The following OR10Z1 variants were observed in gnomAD, a reference collection of about 807,000 sequenced individuals.
OR10Z1 encodes the protein olfactory receptor family 10 subfamily Z member 1, also known as olfactory receptor 10Z1.
For synonymous variants in OR10Z1, 187 were observed against 151.2 expected (o/e 1.24, Z -1.74); for missense variants, 468 against 371.0 (o/e 1.26, Z -2.15).
chr1:158,607,420 G>A lies in OR10Z1; in HGVS notation c.*40G>A, dbSNP rs761778253. 1 of 1,514,432 alleles carries A rather than the reference G, an allele frequency of 6.6e-7. No individual in the cohort carries two copies. Among genetic ancestry groups the A allele is most frequent in the Admixed American group, 1.8e-5 (1 of 54,924 alleles). 93.8% of individuals were successfully genotyped at this position (1,514,432 alleles called of 1,614,324 possible). On this transcript the variant is annotated 3_prime_UTR_variant, in exon 2 of 2. Coordinates refer to ENST00000641002, the MANE Select transcript of OR10Z1 (RefSeq NM_001004478.2). ...GGACACTTTCTTCTGTGTAGGCTGG[G>A]CATAGACCAAGAACCCAAGCCAAAG...
At position 158,607,356 on chromosome 1, in the gene OR10Z1, A is replaced by G; in HGVS notation, c.918A>G (p.Arg306=). Residue 306 remains arginine, a synonymous_variant, in exon 2 of 2, where the codon AGA becomes AGG. Transcript: ENST00000641002. ...AIQTALRNAF[R]GRLLGKG Reference sequence around the variant, plus strand: ...AGACAGCTCTGAGGAATGCTTTCAGAGGGAGATTGCTGGGTAAAGGATGAA... The same window carrying G: ...AGACAGCTCTGAGGAATGCTTTCAGGGGGAGATTGCTGGGTAAAGGATGAA... 6.2e-7 allele frequency: 1 copy of G among 1,613,224 alleles called. No homozygotes were observed. Among genetic ancestry groups the G allele is most frequent in the African/African-American group, 1.3e-5 (1 of 75,008 alleles).
Position 158,611,681 on chromosome 1 carries a change from T to G in OR10Z1, c.*4301T>G, listed in dbSNP as rs1182297986. 4 of 310,302 alleles carry G rather than the reference T, an allele frequency of 1.3e-5. No individual in the cohort carries two copies. Among genetic ancestry groups the G allele is most frequent in the Non-Finnish European group, 1.8e-5 (3 of 163,116 alleles). 19.2% of individuals were successfully genotyped at this position (310,302 alleles called of 1,614,324 possible). On this transcript the variant is annotated 3_prime_UTR_variant, in exon 2 of 2. Transcript: ENST00000641002. Reference sequence around the variant, plus strand: ...AGAAGGAATTATATGCCTAACAACATTTGTTGACCACTTGATCTATTTCAT... The same window carrying G: ...AGAAGGAATTATATGCCTAACAACAGTTGTTGACCACTTGATCTATTTCAT...
rs2101739616 is a variant in OR10Z1 at position 158,610,781 on chromosome 1, A to G, written c.*3401A>G. The G allele has an allele frequency of 6.5e-6, 1 of 152,702 alleles. No homozygotes were observed. Among genetic ancestry groups the G allele is most frequent in the East Asian group, 1.9e-4 (1 of 5,180 alleles). The allele number at this position is 152,702 out of a possible 1,614,324, so 9.5% of individuals were successfully genotyped here. On this transcript the variant is annotated 3_prime_UTR_variant, in exon 2 of 2. Transcript: ENST00000641002. ...CAAAGTTTAAAAAAATTGTTTGAAA[A>G]TTGCCTTGGATTTTATTTATCTACT...
rs1283445015 is a variant in OR10Z1, at chr1:158,606,424, G to A, written c.-15G>A. ...GGAAGAAATCAACAAATCTATCAGGGATATACCTCTCAGAATGGGGCAGAC... is the reference window on the plus strand; with the variant it reads ...GGAAGAAATCAACAAATCTATCAGGAATATACCTCTCAGAATGGGGCAGAC... On this transcript the variant is annotated 5_prime_UTR_variant, in exon 2 of 2. Coordinates refer to ENST00000641002, the MANE Select transcript of OR10Z1 (RefSeq NM_001004478.2). 1 of 1,554,364 alleles carries A rather than the reference G, an allele frequency of 6.4e-7. No homozygotes were observed. The highest frequency in any genetic ancestry group is 1.7e-5 in the Admixed American group (1 of 59,282).
At position 158,607,666 on chromosome 1, in the gene OR10Z1, A is replaced by C; in HGVS notation, c.*286A>C. 2 of 313,688 alleles carry C rather than the reference A, an allele frequency of 6.4e-6. No individual in the cohort carries two copies. The highest frequency in any genetic ancestry group is 2.0e-4 in the South Asian group (2 of 9,938). The allele number at this position is 313,688 out of a possible 1,614,324, so 19.4% of individuals were successfully genotyped here. ...TACTGAAACCCATTGAGAATTAAAA[A>C]TTTAATTAAGATAATCAAGAATTTT... is the stretch of plus-strand genomic sequence containing the variant. On this transcript the variant is annotated 3_prime_UTR_variant, in exon 2 of 2. Coordinates refer to ENST00000641002, the MANE Select transcript of OR10Z1 (RefSeq NM_001004478.2).
At position 158,610,826 on chromosome 1, in the gene OR10Z1, C is replaced by G. The variant is rs1649204855; in HGVS notation, c.*3446C>G. On this transcript the variant is annotated 3_prime_UTR_variant, in exon 2 of 2. Transcript: ENST00000641002. ...TCTACTATACCATGGCCCTTCTTTA[C>G]AGTAAAATTAGCTGCCCACTCTTAT... is the stretch of plus-strand genomic sequence containing the variant. 1.3e-5 allele frequency: 2 copies of G among 155,772 alleles called. No homozygotes were observed. Among genetic ancestry groups the G allele is most frequent in the South Asian group, 1.9e-4 (1 of 5,160 alleles). The allele number at this position is 155,772 out of a possible 1,614,324, so 9.6% of individuals were successfully genotyped here.
In OR10Z1 at chr1:158,607,434, C is replaced by T; in HGVS notation, c.*54C>T. On this transcript the variant is annotated 3_prime_UTR_variant, in exon 2 of 2. Coordinates refer to ENST00000641002, the MANE Select transcript of OR10Z1 (RefSeq NM_001004478.2). ...GTGTAGGCTGGGCATAGACCAAGAA[C>T]CCAAGCCAAAGGGCCAGGTATTCAA... is the stretch of plus-strand genomic sequence containing the variant. The T allele has an allele frequency of 7.0e-7, 1 of 1,421,476 alleles. No individual in the cohort carries two copies. The highest frequency in any genetic ancestry group is 9.7e-7 in the Non-Finnish European group (1 of 1,034,466). The allele number at this position is 1,421,476 out of a possible 1,614,324, so 88.1% of individuals were successfully genotyped here. A position where few individuals can be genotyped will look rare whatever the true frequency, so the allele number is the denominator to read the frequency against.
Position 158,609,682 on chromosome 1 carries a change from A to G in OR10Z1, c.*2302A>G, listed in dbSNP as rs1223403762. ...AAACAATTGATTTGGGATAGGGACAACATAATAGTCTTCAAAATCTCGTTT... is the reference window on the plus strand; with the variant it reads ...AAACAATTGATTTGGGATAGGGACAGCATAATAGTCTTCAAAATCTCGTTT... On this transcript the variant is annotated 3_prime_UTR_variant, in exon 2 of 2. Transcript: ENST00000641002. 6.6e-6 allele frequency: 1 copy of G among 152,154 alleles called. No individual in the cohort carries two copies. Among genetic ancestry groups the G allele is most frequent in the African/African-American group, 2.4e-5 (1 of 41,432 alleles). 9.4% of individuals were successfully genotyped at this position (152,154 alleles called of 1,614,324 possible).
Position 158,610,013 on chromosome 1 carries a change from G to A in OR10Z1, c.*2633G>A, listed in dbSNP as rs1293904867. The stretch of plus-strand genomic sequence containing the variant: ...TGGTAACTTATAATCAGGCAATTTA[G>A]ACATTTGTGAACATTAATTTTGAAA... On this transcript the variant is annotated 3_prime_UTR_variant, in exon 2 of 2. Transcript: ENST00000641002. 1 of 152,128 alleles carries A rather than the reference G, an allele frequency of 6.6e-6. No individual in the cohort carries two copies. The highest frequency in any genetic ancestry group is 1.5e-5 in the Non-Finnish European group (1 of 68,018). The allele number at this position is 152,128 out of a possible 1,614,324, so 9.4% of individuals were successfully genotyped here.
Position 158,611,425 on chromosome 1 carries a change from G to A in OR10Z1, c.*4045G>A, listed in dbSNP as rs1356226855. 2.5e-6 allele frequency: 4 copies of A among 1,611,836 alleles called. No individual in the cohort carries two copies. The highest frequency in any genetic ancestry group is 1.3e-5 in the African/African-American group (1 of 74,914). ...TAAAAAGAGAAAAATACAGTTATAG[G>A]GATTCAAAATAGCTGGTTCCTTGGG... On this transcript the variant is annotated 3_prime_UTR_variant, in exon 2 of 2. Transcript: ENST00000641002.
Position 158,609,227 on chromosome 1 carries a change from A to C in OR10Z1, c.*1847A>C, listed in dbSNP as rs1027528453. The C allele has an allele frequency of 2.0e-5, 3 of 152,162 alleles. No homozygotes were observed. The highest frequency in any genetic ancestry group is 1.9e-4 in the East Asian group (1 of 5,186). 9.4% of individuals were successfully genotyped at this position (152,162 alleles called of 1,614,324 possible). ...TTCAGACAGAAATCCATATTTTTTC[A>C]TGCTTTCAGGAAAGAAATACATCCT... On this transcript the variant is annotated 3_prime_UTR_variant, in exon 2 of 2. Coordinates refer to ENST00000641002, the MANE Select transcript of OR10Z1 (RefSeq NM_001004478.2).
intron 1 of OR10Z1, among the ~76,000 whole-genome samples, chr1:158,606,012 T>G (rs144267991): frequency 6.6e-6 from 1 of 152,370 alleles, no homozygotes; most frequent in Non-Finnish European, 1.5e-5. Flanking sequence ...TATACATATG[T>G]GTTTGTAATG....
rs1649072895 is a variant in OR10Z1, at chr1:158,607,054, G to C, written c.616G>C (p.Val206Leu). The change falls in exon 2 of 2, where the codon GTC becomes CTC. Residue 206 changes from valine to leucine, a missense_variant. Physicochemically the swap from Val to Leu is conservative, Grantham distance 32. Transcript: ENST00000641002. ...GAGGATCTTTATCCTCAGTCTTTTG[G>C]TCCTCTTGGTCTCCTTCTTCTTCAT... Reference protein sequence around the residue: ...ELRIFILSLLVLLVSFFFITI... With the variant: ...ELRIFILSLLLLLVSFFFITI... 3 of 1,613,848 alleles carry C rather than the reference G, an allele frequency of 1.9e-6. No homozygotes were observed. Among genetic ancestry groups the C allele is most frequent in the South Asian group, 2.2e-5 (2 of 91,064 alleles).
At position 158,611,600 on chromosome 1, in the gene OR10Z1, G is replaced by T. The variant is rs144336958; in HGVS notation, c.*4220G>T. On this transcript the variant is annotated 3_prime_UTR_variant, in exon 2 of 2. Coordinates refer to ENST00000641002, the MANE Select transcript of OR10Z1 (RefSeq NM_001004478.2). Reference sequence around the variant, plus strand: ...TCTCAGCCCTTTCTTGAAAAAGAGAGCTTACTCACTTTGATTATTCTGTAA... The same window carrying T: ...TCTCAGCCCTTTCTTGAAAAAGAGATCTTACTCACTTTGATTATTCTGTAA... 8.0e-4 allele frequency: 402 copies of T among 501,934 alleles called. No individual in the cohort carries two copies. Among genetic ancestry groups the T allele is most frequent in the Non-Finnish European group, 1.1e-3 (319 of 285,674 alleles). The allele number at this position is 501,934 out of a possible 1,614,324, so 31.1% of individuals were successfully genotyped here.
Position 158,611,577 on chromosome 1 carries a change from TC to T in OR10Z1, c.*4198del. On this transcript the variant is annotated 3_prime_UTR_variant, in exon 2 of 2. Coordinates refer to ENST00000641002, the MANE Select transcript of OR10Z1 (RefSeq NM_001004478.2). The stretch of plus-strand genomic sequence containing the variant: ...CTAATGAGTAACTTAACTTTTAATC[TC>T]AGCCCTTTCTTGAAAAAGAGAGCTT... 1.8e-6 allele frequency: 1 copy of T among 565,820 alleles called. No individual in the cohort carries two copies. Among genetic ancestry groups the T allele is most frequent in the Non-Finnish European group, 3.0e-6 (1 of 331,448 alleles). The allele number at this position is 565,820 out of a possible 1,614,324, so 35.0% of individuals were successfully genotyped here.
intron 1 of OR10Z1, among the ~76,000 whole-genome samples, chr1:158,605,983 C>T (rs1053554053): frequency 4.6e-5 from 7 of 152,250 alleles, no homozygotes; most frequent in East Asian, 3.9e-4. Flanking sequence ...TGTGTATCTA[C>T]GAATTTGCAT....
At position 158,609,564 on chromosome 1, in the gene OR10Z1, G is replaced by A. The variant is rs1404942443; in HGVS notation, c.*2184G>A. ...ATACTTAGAGGTCTAACTTCCACAT[G>A]TAGTAGTCTTAAGTATGGAAGGGTA... On this transcript the variant is annotated 3_prime_UTR_variant, in exon 2 of 2. Coordinates refer to ENST00000641002, the MANE Select transcript of OR10Z1 (RefSeq NM_001004478.2). The A allele has an allele frequency of 6.6e-6, 1 of 152,170 alleles. No homozygotes were observed. The highest frequency in any genetic ancestry group is 2.4e-5 in the African/African-American group (1 of 41,438). 9.4% of individuals were successfully genotyped at this position (152,170 alleles called of 1,614,324 possible). A position where few individuals can be genotyped will look rare whatever the true frequency, so the allele number is the denominator to read the frequency against.
chr1:158,611,421 A>G lies in OR10Z1; in HGVS notation c.*4041A>G. 6.2e-7 allele frequency: 1 copy of G among 1,612,308 alleles called. No homozygotes were observed. The highest frequency in any genetic ancestry group is 8.5e-7 in the Non-Finnish European group (1 of 1,178,904). On this transcript the variant is annotated 3_prime_UTR_variant, in exon 2 of 2. Coordinates refer to ENST00000641002, the MANE Select transcript of OR10Z1 (RefSeq NM_001004478.2). ...AGTATAAAAAGAGAAAAATACAGTT[A>G]TAGGGATTCAAAATAGCTGGTTCCT...
In OR10Z1 at chr1:158,611,341, A is replaced by G. The variant is rs144692310; in HGVS notation, c.*3961A>G. The G allele has an allele frequency of 4.8e-5, 78 of 1,613,736 alleles. No homozygotes were observed. The African/African-American group carries it at 9.3e-4, about 19-fold the overall frequency. On this transcript the variant is annotated 3_prime_UTR_variant, in exon 2 of 2. Coordinates refer to ENST00000641002, the MANE Select transcript of OR10Z1 (RefSeq NM_001004478.2). ...TGGCTTCGACCCCGTGGGTCCATAT[A>G]TTGCTGCATATGTGTGGCACAGAAT... is the stretch of plus-strand genomic sequence containing the variant.
Sources: allele counts gnomAD v4.1 joint callset (sites outside exome capture counted in the v4.1 genomes callset), GRCh38; gene constraint gnomAD v4.1.1; transcripts MANE v1.5; gene names NCBI Gene and HGNC (gene_info 2026-07-23, HGNC 2026-07-21).